Variants in SBNO2 observed in about 807,000 individuals in gnomAD.
SBNO2 encodes protein strawberry notch homolog 2.
A neutral mutation model predicts 146.3 loss-of-function variants in SBNO2; 89 were observed. The observed-to-expected ratio is 0.61, with a 90% CI of 0.51 to 0.73. The LOEUF is 0.73. Ranked by LOEUF, SBNO2 falls within the 30% of genes least tolerant of loss-of-function variation. The pLI, the probability that SBNO2 is intolerant of heterozygous loss-of-function variation, is 0.00. For missense variants in SBNO2, 2,092 were observed against 2,003.7 expected (o/e 1.04, Z -0.84); for synonymous variants, 1,147 against 892.6 (o/e 1.29, Z -5.08).
intron 1 of SBNO2, among the ~76,000 whole-genome samples, chr19:1,161,927 T>TGGGGG (rs1568638145): frequency 4.9e-4 from 4 of 8,214 alleles, no homozygotes; most frequent in African/African-American, 1.4e-3. Flanking sequence ...GGGGGGGGGT[T>TGGGGG]GGGCCAGGCC....
intron 4 of SBNO2, among the ~76,000 whole-genome samples, chr19:1,135,822 C>T (rs1400562883): frequency 6.6e-6 from 1 of 151,968 alleles, no homozygotes; most frequent in Non-Finnish European, 1.5e-5. Flanking sequence ...TCCAGGTGGT[C>T]GTGGGGCACA....
chr19:1,112,090 C>T lies in SBNO2; in HGVS notation c.2629-23G>A, dbSNP rs111697667. On this transcript the variant is annotated intron_variant, in intron 22 of 31. Transcript: ENST00000361757. The surrounding 1 kb of genome is among the most constrained non-coding windows in gnomAD (Gnocchi z 5.9). ...CCCCTGCCAGGGGTGGGGAGGCCAT[C>T]AGTTGGTCACCTGGGGTCTGGCCTC... The T allele has an allele frequency of 9.0e-3, 14,478 of 1,611,776 alleles. 1,001 individuals are homozygous for T. In the African/African-American group the frequency reaches 0.16, roughly 18 times the overall value.
rs2080510334 is a variant in SBNO2, at chr19:1,174,245, C to T, written c.-200G>A. The T allele has an allele frequency of 6.6e-6, 1 of 151,862 alleles. No homozygotes were observed. The highest frequency in any genetic ancestry group is 2.4e-5 in the African/African-American group (1 of 41,358). 9.4% of individuals were successfully genotyped at this position (151,862 alleles called of 1,614,324 possible). On this transcript the variant is annotated 5_prime_UTR_variant, in exon 1 of 32. It adds an upstream start codon to the 5' untranslated region. Coordinates refer to ENST00000361757, the MANE Select transcript of SBNO2 (RefSeq NM_014963.3). ...CGAGCCTCGCAGCTGCCGCCGCTCA[C>T]TTCCGGGTTTCGGGCGCCATCTTGG...
chr19:1,143,088 CATTTGCAGGGAAT>C (rs1266132262), intron 4 of SBNO2, among the ~76,000 whole-genome samples: 1 of 152,204 alleles, frequency 6.6e-6, no homozygotes, highest in Non-Finnish European at 1.5e-5. Flanking sequence ...CAGCAGGAAA[CATTTGCAGGGAAT>C]GCACACATGC....
intron 5 of SBNO2, among the ~76,000 whole-genome samples, chr19:1,124,634 C>G (rs2079944322): frequency 6.6e-6 from 1 of 152,216 alleles, no homozygotes; most frequent in Non-Finnish European, 1.5e-5. Context: ...GGCAGCACCT[C>G]CTCTGTGAGA....
intron 4 of SBNO2, among the ~76,000 whole-genome samples, chr19:1,141,104 G>A (rs1448328783): frequency 3.3e-5 from 5 of 151,776 alleles, no homozygotes; most frequent in African/African-American, 9.7e-5. Flanking sequence ...GACGCGCCCC[G>A]GAGAACACGC....
rs1174402350 is a variant in SBNO2 at position 1,108,622 on chromosome 19, C to G, written c.3699G>C (p.Ala1233=). The G allele has an allele frequency of 6.9e-7, 1 of 1,447,518 alleles. No individual in the cohort carries two copies. Among genetic ancestry groups the G allele is most frequent in the Non-Finnish European group, 9.0e-7 (1 of 1,108,684 alleles). The allele number at this position is 1,447,518 out of a possible 1,614,324, so 89.7% of individuals were successfully genotyped here. A position where few individuals can be genotyped will look rare whatever the true frequency, so the allele number is the denominator to read the frequency against. The change falls in exon 32 of 32, where the codon GCG becomes GCC. Residue 1233 remains alanine, a synonymous_variant. Transcript: ENST00000361757. Reference sequence around the variant, plus strand: ...GCGGGGCGGGGCAGCCCAGGGCGGGCGCCTGCCTGCGCTTCACGTCCGCAT... The same window carrying G: ...GCGGGGCGGGGCAGCCCAGGGCGGGGGCCTGCCTGCGCTTCACGTCCGCAT... ...LMDADVKRRQ[A]PALGCPAPPA... is the part of the protein sequence containing the mutation.
rs370456661 is a variant in SBNO2, at chr19:1,119,672, C to T, written c.1268-51G>A. ...CCCCAACCCGGGAGGGCCCAGAGGC[C>T]GCGTCAGGGGACGACTAAGTTGGGA... is the stretch of plus-strand genomic sequence containing the variant. On this transcript the variant is annotated intron_variant, in intron 12 of 31. Transcript: ENST00000361757. 2.0e-4 allele frequency: 298 copies of T among 1,477,794 alleles called. 1 individual carries two copies. The African/African-American group carries it at 3.7e-3, about 18-fold the overall frequency. The allele number at this position is 1,477,794 out of a possible 1,614,324, so 91.5% of individuals were successfully genotyped here.
At position 1,109,444 on chromosome 19, in the gene SBNO2, G is replaced by A. The variant is rs370591541; in HGVS notation, c.3217-21C>T. On this transcript the variant is annotated intron_variant, in intron 28 of 31. Coordinates refer to ENST00000361757, the MANE Select transcript of SBNO2 (RefSeq NM_014963.3). The surrounding 1 kb of genome is among the most constrained non-coding windows in gnomAD (Gnocchi z 4.2). ...CGGACCTGCGGAGGGGGGCGTTGAG[G>A]CCGCGCCCCGGTCCGCCCCCCGCGG... 1.6e-4 allele frequency: 246 copies of A among 1,562,482 alleles called. No individual in the cohort carries two copies. The highest frequency in any genetic ancestry group is 1.9e-4 in the Non-Finnish European group (218 of 1,154,782).
chr19:1,164,997 C>T lies in SBNO2; in HGVS notation c.-127+9175G>A, dbSNP rs549307934. 1.7e-4 allele frequency among the ~76,000 whole-genome samples: 13 copies of T among 74,338 alleles called. No individual in the cohort carries two copies. In the East Asian group the frequency reaches 3.1e-3, roughly 18 times the overall value. 48.8% of individuals were successfully genotyped at this position (74,338 alleles called of 152,430 possible). A position where few individuals can be genotyped will look rare whatever the true frequency, so the allele number is the denominator to read the frequency against. ...CAGGAGGAGGAGGAGGAGGAGGCAG[C>T]GGCGGCACTGTGGGTCTTCCACAGG... On this transcript the variant is annotated intron_variant, in intron 1 of 31. Transcript: ENST00000361757.
chr19:1,167,370 G>A (rs2080435990), intron 1 of SBNO2, among the ~76,000 whole-genome samples: 1 of 152,258 alleles, frequency 6.6e-6, no homozygotes, highest in African/African-American at 2.4e-5. Flanking sequence ...CCACGGCCAC[G>A]GCTCCAAGGC....
At position 1,128,347 on chromosome 19, in the gene SBNO2, GAC is replaced by G. The variant is rs202101550; in HGVS notation, c.280-584_280-583del. 492 of 353,854 alleles carry G rather than the reference GAC, an allele frequency of 1.4e-3. 1 individual carries two copies. The highest frequency in any genetic ancestry group is 7.4e-3 in the South Asian group (354 of 47,752). The allele number at this position is 353,854 out of a possible 1,614,324, so 21.9% of individuals were successfully genotyped here. A position where few individuals can be genotyped will look rare whatever the true frequency, so the allele number is the denominator to read the frequency against. ...CAGAGGTGGGGCTCGCCATGGGGAT[GAC>G]ACACACACACGCGCTGCCCAGTGAA... On this transcript the variant is annotated intron_variant, in intron 4 of 31. Transcript: ENST00000361757.
chr19:1,119,206 T>C, intron 13 of SBNO2, 42 bp from the exon 14 acceptor site: 1 of 1,561,758 alleles, frequency 6.4e-7, no homozygotes, highest in Non-Finnish European at 8.6e-7. Context: ...CCAGAGCCCG[T>C]GGGGATGGAG....
chr19:1,113,325 G>A (rs1378320607), intron 19 of SBNO2, among the ~76,000 whole-genome samples: 1 of 152,152 alleles, frequency 6.6e-6, no homozygotes, highest in African/African-American at 2.4e-5. Flanking sequence ...TTAGAGGGAT[G>A]GGGCAGGCCG....
At chr19:1,131,835 C>T (rs1255597940) in intron 4 of SBNO2, among the ~76,000 whole-genome samples, 4 of 152,228 alleles carry the variant, frequency 2.6e-5, no homozygotes, top group Non-Finnish European at 5.9e-5. Context: ...CCGCTCGGGT[C>T]CCCCAGCCTA....
chr19:1,120,772 G>A (rs749807303), intron 11 of SBNO2, among the ~76,000 whole-genome samples: 1 of 152,186 alleles, frequency 6.6e-6, no homozygotes, highest in African/African-American at 2.4e-5. Flanking sequence ...TGGTTCAAGC[G>A]ATTCTCCTGC....
intron 23 of SBNO2, 82 bp downstream of exon 23, chr19:1,111,914 C>T (rs1168890107): frequency 7.7e-7 from 1 of 1,305,204 alleles, no homozygotes; most frequent in Admixed American, 2.1e-5. Flanking sequence ...CCCCATCTAC[C>T]CCCTCCCCCA....
chr19:1,118,935 G>T lies in SBNO2; in HGVS notation c.1527+76C>A, dbSNP rs1051891986. The T allele has an allele frequency of 6.2e-6, 9 of 1,454,858 alleles. No homozygotes were observed. In the East Asian group the frequency reaches 2.0e-4, roughly 32 times the overall value. 90.1% of individuals were successfully genotyped at this position (1,454,858 alleles called of 1,614,324 possible). A position where few individuals can be genotyped will look rare whatever the true frequency, so the allele number is the denominator to read the frequency against. On this transcript the variant is annotated intron_variant, in intron 14 of 31. Transcript: ENST00000361757. ...GGGCCGTCACCTGATGACGCCTGTGGCATCTGCAAGGCCACGGGGGAGCAA... is the reference window on the plus strand; with the variant it reads ...GGGCCGTCACCTGATGACGCCTGTGTCATCTGCAAGGCCACGGGGGAGCAA...
rs1262203091 is a variant in SBNO2, at chr19:1,110,165, G to A, written c.3029-388C>T. Among the ~76,000 whole-genome samples the A allele has an allele frequency of 1.3e-5, 2 of 152,122 alleles. No homozygotes were observed. The highest frequency in any genetic ancestry group is 2.9e-5 in the Non-Finnish European group (2 of 67,988). ...GGTGCTGGGTGACCCCAAGCAGGCT[G>A]TGGGGGATCGTGGGAGCCTGGTTGG... On this transcript the variant is annotated intron_variant, in intron 26 of 31. Transcript: ENST00000361757. The surrounding 1 kb of genome is among the most constrained non-coding windows in gnomAD (Gnocchi z 4.9).
Sources: gnomAD v4.1 joint callset for allele counts (sites outside exome capture counted in the v4.1 genomes callset) on GRCh38, gnomAD v4.1.1 for gene constraint, Gnocchi (gnomAD v3.1) non-coding constraint, MANE v1.5 for transcripts, NCBI Gene and HGNC (gene_info 2026-07-23, HGNC 2026-07-21) for gene names.